Variants in ZC3H15 observed in about 807,000 individuals in gnomAD.
The protein encoded by ZC3H15 is zinc finger CCCH domain-containing protein 15.
In ZC3H15, 15 loss-of-function variants were observed where a neutral mutation model predicts 51.2. That is an observed-to-expected ratio of 0.29 (90% CI 0.20 to 0.45). The LOEUF (loss-of-function observed/expected upper bound fraction) is 0.45, where lower values mean the gene tolerates loss of function less well. ZC3H15 is among the 20% of genes least tolerant of loss of function. The pLI, the probability that ZC3H15 is intolerant of heterozygous loss-of-function variation, is 1.00. For missense variants in ZC3H15, 381 were observed against 494.7 expected (o/e 0.77, Z 2.18); for synonymous variants, 144 against 162.8 (o/e 0.88, Z 0.88).
At chr2:186,503,122 A>G (rs1685413479) in intron 5 of ZC3H15, among the ~76,000 whole-genome samples, 1 of 152,218 alleles carries the variant, frequency 6.6e-6, no homozygotes, top group Non-Finnish European at 1.5e-5. Context: ...AGTTACAGTA[A>G]AAAGTCTTGC....
At chr2:186,499,391 CTT>C (rs1319554371) in intron 2 of ZC3H15, among the ~76,000 whole-genome samples, 6 of 152,194 alleles carry the variant, frequency 3.9e-5, no homozygotes, top group Non-Finnish European at 7.3e-5. Flanking sequence ...GTCCCTGTAA[CTT>C]TGCATTGGCT....
chr2:186,503,973 A>G (rs1685427534), intron 5 of ZC3H15, 59 bp from the exon 6 acceptor site: 3 of 1,387,662 alleles, frequency 2.2e-6, no homozygotes, highest in Non-Finnish European at 2.9e-6. Flanking sequence ...ATACTCAGGC[A>G]TTTACCTTGG....
chr2:186,503,214 C>G (rs535585910), intron 5 of ZC3H15, among the ~76,000 whole-genome samples: 58 of 152,230 alleles, frequency 3.8e-4, no homozygotes, highest in Admixed American at 1.4e-3. Flanking sequence ...TGTTAATTTT[C>G]TCTTACTTGC....
At chr2:186,507,997 A>T (rs1286722135) in intron 9 of ZC3H15, among the ~76,000 whole-genome samples, 1 of 151,956 alleles carries the variant, frequency 6.6e-6, no homozygotes, top group Non-Finnish European at 1.5e-5. Context: ...AAAAGGCAGC[A>T]TTTTTTTTCT....
At chr2:186,499,157 C>G (rs1289019470) in intron 2 of ZC3H15, among the ~76,000 whole-genome samples, 1 of 152,186 alleles carries the variant, frequency 6.6e-6, no homozygotes, top group South Asian at 2.1e-4. Context: ...ACCAGTAATG[C>G]TCATTTTAAG....
chr2:186,508,964 G>A lies in ZC3H15; in HGVS notation c.*231G>A, dbSNP rs1293884129. 1.6e-6 allele frequency: 1 copy of A among 617,332 alleles called. No individual in the cohort carries two copies. Among genetic ancestry groups the A allele is most frequent in the Non-Finnish European group, 3.0e-6 (1 of 335,110 alleles). The allele number at this position is 617,332 out of a possible 1,614,324, so 38.2% of individuals were successfully genotyped here. The stretch of plus-strand genomic sequence containing the variant: ...ATAAATTGAAAATATAATGGTCATT[G>A]CAGAAAATGATTGATGTTGTAACTG... On this transcript the variant is annotated 3_prime_UTR_variant, in exon 10 of 10. Transcript: ENST00000337859.
At chr2:186,498,641 G>C (rs1271682599) in intron 2 of ZC3H15, among the ~76,000 whole-genome samples, 1 of 152,042 alleles carries the variant, frequency 6.6e-6, no homozygotes, top group Non-Finnish European at 1.5e-5. Flanking sequence ...ATAGCATTTG[G>C]CCATTCCTTT....
At chr2:186,489,615 T>G (rs1206649021) in intron 1 of ZC3H15, among the ~76,000 whole-genome samples, 2 of 152,180 alleles carry the variant, frequency 1.3e-5, no homozygotes, top group African/African-American at 4.8e-5. Context: ...AAGCAGCACG[T>G]TTCAATAGAC....
intron 3 of ZC3H15, chr2:186,500,755 A>G (rs111872497): frequency 1.1e-4 from 48 of 449,438 alleles, no homozygotes; most frequent in African/African-American, 3.4e-4. Flanking sequence ...GCTCACTGCA[A>G]CCTCCGACTG....
At chr2:186,500,634 G>T in intron 3 of ZC3H15, 1 of 487,838 alleles carries the variant, frequency 2.0e-6, no homozygotes. Context: ...GCACTGTTCT[G>T]TCATGTATGT....
At chr2:186,506,526 C>G (rs1685470167) in intron 8 of ZC3H15, among the ~76,000 whole-genome samples, 187 bp from the exon 9 acceptor site, 1 of 152,150 alleles carries the variant, frequency 6.6e-6, no homozygotes, top group African/African-American at 2.4e-5. Context: ...CTCCTAAGCC[C>G]AGGTGATCCT....
At chr2:186,497,027 A>T in intron 2 of ZC3H15, 1 of 354,036 alleles carries the variant, frequency 2.8e-6, no homozygotes, top group South Asian at 2.1e-5. Context: ...AAATGAGTTT[A>T]TCCATTGGCA....
intron 4 of ZC3H15, 47 bp from the exon 5 acceptor site, chr2:186,502,449 G>C (rs1559011549): frequency 6.9e-7 from 1 of 1,445,544 alleles, no homozygotes; most frequent in South Asian, 1.2e-5. Context: ...TGTGTTGTGG[G>C]AGTAGTAGAT....
intron 1 of ZC3H15, among the ~76,000 whole-genome samples, chr2:186,494,337 T>G (rs1179812647): frequency 1.3e-5 from 2 of 152,202 alleles, no homozygotes; most frequent in Non-Finnish European, 2.9e-5. Flanking sequence ...TAAATTTAAT[T>G]GTTTTTGAGA....
At chr2:186,498,713 T>G (rs1357561279) in intron 2 of ZC3H15, among the ~76,000 whole-genome samples, 1 of 152,196 alleles carries the variant, frequency 6.6e-6, no homozygotes, top group African/African-American at 2.4e-5. Flanking sequence ...TCTTTGATGT[T>G]TCTAGGTCTT....
rs748357691 is a variant in ZC3H15, at chr2:186,501,262, A to G, written c.290-11A>G. 1.8e-5 allele frequency: 28 copies of G among 1,595,212 alleles called. No homozygotes were observed. Among genetic ancestry groups the G allele is most frequent in the African/African-American group, 2.7e-5 (2 of 74,296 alleles). ...GATTATAATACAAATACCATATGCC[A>G]TTTGACATAGGTGCAGATCCCAAGT... On this transcript the variant is annotated splice_polypyrimidine_tract_variant and intron_variant, in intron 3 of 9. Coordinates refer to ENST00000337859, the MANE Select transcript of ZC3H15 (RefSeq NM_018471.3).
chr2:186,504,315 A>G, intron 6 of ZC3H15, 101 bp downstream of exon 6: 1 of 1,073,060 alleles, frequency 9.3e-7, no homozygotes, highest in South Asian at 2.2e-5. Context: ...GAAAGGAAAA[A>G]AAAAATATTG....
At chr2:186,494,752 T>C (rs920859607) in intron 1 of ZC3H15, among the ~76,000 whole-genome samples, 1 of 151,954 alleles carries the variant, frequency 6.6e-6, no homozygotes, top group Non-Finnish European at 1.5e-5. Flanking sequence ...TTCTCACTCA[T>C]AGGTGGGAAT....
Position 186,508,823 on chromosome 2 carries a change from G to C in ZC3H15, c.*90G>C. On this transcript the variant is annotated 3_prime_UTR_variant, in exon 10 of 10. Coordinates refer to ENST00000337859, the MANE Select transcript of ZC3H15 (RefSeq NM_018471.3). ...TCTTTCCACCTAGAATCAACAGGAT[G>C]TTTATTTCCTATGCTGATTCTGGAG... 1.4e-6 allele frequency: 2 copies of C among 1,389,708 alleles called. No individual in the cohort carries two copies. Among genetic ancestry groups the C allele is most frequent in the South Asian group, 2.6e-5 (2 of 76,162 alleles). 86.1% of individuals were successfully genotyped at this position (1,389,708 alleles called of 1,614,324 possible).
Sources: gnomAD v4.1 joint callset for allele counts (sites outside exome capture counted in the v4.1 genomes callset) on GRCh38, gnomAD v4.1.1 for gene constraint, MANE v1.5 for transcripts, NCBI Gene and HGNC (gene_info 2026-07-23, HGNC 2026-07-21) for gene names.